KIF6: variants seen among roughly 807,000 people sequenced by gnomAD.
KIF6 encodes the protein kinesin-like protein KIF6.
KIF6 carries 106 observed loss-of-function variants against 112.7 expected under a neutral mutation model. The observed-to-expected ratio is 0.94, with a 90% CI of 0.80 to 1.11. The LOEUF is 1.11. Ranked by LOEUF, KIF6 falls within the 50% of genes least tolerant of loss-of-function variation. The probability of loss-of-function intolerance (pLI) is 0.00; values close to 1 mark genes in which losing one functional copy is unlikely to be tolerated. For synonymous variants in KIF6, 339 were observed against 339.9 expected (o/e 1.00, Z 0.03); for missense variants, 929 against 964.0 (o/e 0.96, Z 0.48).
chr6:39,660,723 T>C (rs1039607034), intron 3 of KIF6, among the ~76,000 whole-genome samples: 2 of 152,188 alleles, frequency 1.3e-5, no homozygotes, highest in Non-Finnish European at 2.9e-5. Context: ...TAAAAAACTT[T>C]ACAGCAACTT....
rs371066947 is a variant in KIF6, at chr6:39,362,511, C to A, written c.1869G>T (p.Ser623=). The stretch of plus-strand genomic sequence containing the variant: ...GCATCAGAGGCACGGCCATGTTTTC[C>A]GAGATTCCTGTAGAAGGAAGGTGCC... ...RHIQQVALGI[S]ENMAVPLMPD... Residue 623 remains serine (S), a synonymous_variant, in exon 17 of 23, where the codon TCG becomes TCT. Coordinates refer to ENST00000287152, the MANE Select transcript of KIF6 (RefSeq NM_145027.6). The A allele has an allele frequency of 1.9e-6, 3 of 1,613,192 alleles. No individual in the cohort carries two copies. Among genetic ancestry groups the A allele is most frequent in the Non-Finnish European group, 2.5e-6 (3 of 1,179,284 alleles).
chr6:39,522,265 G>T (rs1011979984), intron 13 of KIF6, among the ~76,000 whole-genome samples: 2 of 152,062 alleles, frequency 1.3e-5, no homozygotes, highest in Non-Finnish European at 2.9e-5. Flanking sequence ...CTATTCCTCC[G>T]TTGAGATTTG....
At chr6:39,587,048 A>G (rs1334909099) in intron 7 of KIF6, among the ~76,000 whole-genome samples, 1 of 152,208 alleles carries the variant, frequency 6.6e-6, no homozygotes, top group Admixed American at 6.5e-5. Flanking sequence ...AGCAATGGGT[A>G]GTTGACCTTG....
chr6:39,667,796 T>C (rs570978553), intron 3 of KIF6, among the ~76,000 whole-genome samples: 45 of 152,184 alleles, frequency 3.0e-4, no homozygotes, highest in Non-Finnish European at 5.6e-4. Context: ...TTCAGGATAA[T>C]GGTGTTCAGG....
chr6:39,502,259 A>G (rs1368302576), intron 13 of KIF6, among the ~76,000 whole-genome samples: 6 of 152,152 alleles, frequency 3.9e-5, no homozygotes, highest in African/African-American at 1.4e-4. Context: ...TGAAGGAGAA[A>G]TAAGATCCTT....
intron 10 of KIF6, among the ~76,000 whole-genome samples, chr6:39,565,000 A>G (rs1007672034): frequency 2.0e-5 from 3 of 152,212 alleles, no homozygotes; most frequent in Non-Finnish European, 4.4e-5. Flanking sequence ...CAAGTTCTCA[A>G]ATCTTTATCT....
intron 10 of KIF6, among the ~76,000 whole-genome samples, chr6:39,569,378 A>G (rs528748186): frequency 2.0e-5 from 3 of 152,332 alleles, no homozygotes; most frequent in East Asian, 3.9e-4. Flanking sequence ...TACAAGACAT[A>G]TAGTCATTGG....
intron 10 of KIF6, among the ~76,000 whole-genome samples, chr6:39,564,206 T>C (rs1780162568): frequency 6.6e-6 from 1 of 152,236 alleles, no homozygotes; most frequent in African/African-American, 2.4e-5. Flanking sequence ...AGGGGAAATC[T>C]GATTTCTCCA....
chr6:39,410,527 T>C (rs1460262012), intron 15 of KIF6, among the ~76,000 whole-genome samples: 2 of 152,154 alleles, frequency 1.3e-5, no homozygotes, highest in Non-Finnish European at 2.9e-5. Flanking sequence ...ATTAAACAGA[T>C]CCCTGACAAT....
At chr6:39,509,215 C>T (rs573318002) in intron 13 of KIF6, among the ~76,000 whole-genome samples, 32 of 152,286 alleles carry the variant, frequency 2.1e-4, no homozygotes, top group African/African-American at 7.0e-4. Flanking sequence ...CCCCAAAACC[C>T]CATCCGTAGG....
rs1772337567 is a variant in KIF6, at chr6:39,446,610, C to T, written c.1646-15449G>A. Among the ~76,000 whole-genome samples the T allele has an allele frequency of 2.6e-5, 4 of 152,280 alleles. No homozygotes were observed. The South Asian group carries it at 6.2e-4, about 24-fold the overall frequency. ...CCAGGTTCAAGCAATTCTCCTGCCT[C>T]AGCTTCCTGAGCAGCTGGGACTACA... On this transcript the variant is annotated intron_variant, in intron 13 of 22. Transcript: ENST00000287152.
intron 3 of KIF6, among the ~76,000 whole-genome samples, chr6:39,699,707 T>G (rs1045312774): frequency 5.9e-5 from 9 of 152,104 alleles, no homozygotes; most frequent in Non-Finnish European, 1.2e-4. Flanking sequence ...ATTTGTAATA[T>G]AGGGATAACA....
intron 13 of KIF6, among the ~76,000 whole-genome samples, chr6:39,436,191 C>T (rs1326272577): frequency 6.6e-6 from 1 of 151,888 alleles, no homozygotes; most frequent in Non-Finnish European, 1.5e-5. Context: ...TGTCATTTTC[C>T]CACTTTTTAA....
intron 13 of KIF6, among the ~76,000 whole-genome samples, chr6:39,458,067 A>C (rs1413449289): frequency 6.6e-6 from 1 of 151,938 alleles, no homozygotes; most frequent in African/African-American, 2.4e-5. Context: ...AGACACAACC[A>C]AAAAAGAGAA....
chr6:39,607,227 TC>T (rs1210472242), intron 6 of KIF6, among the ~76,000 whole-genome samples: 1 of 152,182 alleles, frequency 6.6e-6, no homozygotes, highest in Non-Finnish European at 1.5e-5. Context: ...AGTATATAAA[TC>T]TTAAAATTCT....
chr6:39,340,414 C>T (rs1319178389), intron 22 of KIF6, among the ~76,000 whole-genome samples: 1 of 152,146 alleles, frequency 6.6e-6, no homozygotes, highest in Non-Finnish European at 1.5e-5. Context: ...GTGGGCATAT[C>T]TTGGTAGTTG....
At chr6:39,649,905 G>C (rs1049150109) in intron 3 of KIF6, among the ~76,000 whole-genome samples, 1 of 152,142 alleles carries the variant, frequency 6.6e-6, no homozygotes, top group Non-Finnish European at 1.5e-5. Flanking sequence ...TGTGTGATAG[G>C]AAAACAAGAA....
intron 3 of KIF6, among the ~76,000 whole-genome samples, chr6:39,642,214 C>T: frequency 6.6e-6 from 1 of 152,204 alleles, no homozygotes; most frequent in African/African-American, 2.4e-5. Flanking sequence ...ACAATAATAC[C>T]AGTGGCAAAA....
chr6:39,498,396 T>G (rs1381830678), intron 13 of KIF6, among the ~76,000 whole-genome samples: 1 of 152,096 alleles, frequency 6.6e-6, no homozygotes, highest in Non-Finnish European at 1.5e-5. Context: ...ATTTAGAAGG[T>G]GAAGAAAGAA....
Sources: allele counts gnomAD v4.1 joint callset (sites outside exome capture counted in the v4.1 genomes callset), GRCh38; gene constraint gnomAD v4.1.1; transcripts MANE v1.5; gene names NCBI Gene and HGNC (gene_info 2026-07-23, HGNC 2026-07-21).